Variants in CFDP1 observed in about 807,000 individuals in gnomAD.
CFDP1 encodes the protein heterochromatin-stabilizing protein CFDP1.
In CFDP1, 31 loss-of-function variants were observed where a neutral mutation model predicts 40.1. The observed-to-expected ratio is 0.77, with a 90% confidence interval of 0.58 to 1.04. The LOEUF is 1.04. Among genes scored for constraint, CFDP1 ranks in the 50% least tolerant of loss-of-function variants. The probability of loss-of-function intolerance (pLI) is 0.00; values close to 1 mark genes in which losing one functional copy is unlikely to be tolerated. For missense variants in CFDP1, 423 were observed against 343.4 expected (o/e 1.23, Z -1.83); for synonymous variants, 167 against 120.0 (o/e 1.39, Z -2.56).
At chr16:75,339,924 CT>C (rs2078515145) in intron 5 of CFDP1, among the ~76,000 whole-genome samples, 1 of 152,176 alleles carries the variant, frequency 6.6e-6, no homozygotes, top group African/African-American at 2.4e-5. Flanking sequence ...GAGAAGATGT[CT>C]TAAGATGATC....
At chr16:75,420,605 G>A (rs1008033089) in intron 1 of CFDP1, among the ~76,000 whole-genome samples, 2 of 152,066 alleles carry the variant, frequency 1.3e-5, no homozygotes, top group African/African-American at 4.8e-5. Context: ...ACTGTGATTT[G>A]GACACACAAG....
chr16:75,347,182 A>C (rs1320610772), intron 5 of CFDP1, among the ~76,000 whole-genome samples: 2 of 151,280 alleles, frequency 1.3e-5, no homozygotes, highest in African/African-American at 4.9e-5. Context: ...GTCCCCACTA[A>C]AAGTACAAAA....
chr16:75,305,944 C>A (rs1425296787), intron 5 of CFDP1, among the ~76,000 whole-genome samples: 1 of 152,114 alleles, frequency 6.6e-6, no homozygotes, highest in Admixed American at 6.6e-5. Flanking sequence ...TGGGAGAAAC[C>A]CCAGATGCCC....
At chr16:75,301,256 G>T (rs1039798156) in intron 6 of CFDP1, among the ~76,000 whole-genome samples, 1 of 152,148 alleles carries the variant, frequency 6.6e-6, no homozygotes, top group Admixed American at 6.6e-5. Context: ...AGTACCTATG[G>T]TATGGGAAGA....
intron 2 of CFDP1, among the ~76,000 whole-genome samples, chr16:75,413,339 C>A (rs1175177530): frequency 6.6e-6 from 1 of 152,036 alleles, no homozygotes; most frequent in Non-Finnish European, 1.5e-5. Context: ...GAGGCCAAGG[C>A]CCACACAGAG....
intron 5 of CFDP1, among the ~76,000 whole-genome samples, chr16:75,365,543 A>G (rs1348043852): frequency 6.6e-6 from 1 of 152,168 alleles, no homozygotes; most frequent in Non-Finnish European, 1.5e-5. Flanking sequence ...AAAGTGAGGG[A>G]GGAAGCCCCA....
chr16:75,355,137 C>A (rs1167353649), intron 5 of CFDP1, among the ~76,000 whole-genome samples: 1 of 152,140 alleles, frequency 6.6e-6, no homozygotes, highest in African/African-American at 2.4e-5. Context: ...ATCATCTGAG[C>A]CTTCAGTGAA....
chr16:75,298,593 G>A (rs1180014493), intron 6 of CFDP1, among the ~76,000 whole-genome samples: 2 of 152,214 alleles, frequency 1.3e-5, no homozygotes, highest in Non-Finnish European at 1.5e-5. Context: ...CATGGGCTAC[G>A]GCAGCACTCC....
At chr16:75,418,793 A>C (rs1483415560) in intron 1 of CFDP1, among the ~76,000 whole-genome samples, 3 of 151,874 alleles carry the variant, frequency 2.0e-5, no homozygotes, top group Non-Finnish European at 2.9e-5. Flanking sequence ...AGGTAAAACC[A>C]GGACATTTTT....
intron 4 of CFDP1, among the ~76,000 whole-genome samples, chr16:75,411,303 G>A (rs1160972003): frequency 1.3e-5 from 2 of 152,054 alleles, no homozygotes; most frequent in Non-Finnish European, 2.9e-5. Context: ...TACTCGGGAG[G>A]CTGAAGTAGG....
chr16:75,335,366 A>G (rs1001641236), intron 5 of CFDP1, among the ~76,000 whole-genome samples: 45 of 152,082 alleles, frequency 3.0e-4, no homozygotes, highest in Admixed American at 2.9e-3. Flanking sequence ...AAAAGGACAC[A>G]CTGAAAAAAA....
intron 6 of CFDP1, among the ~76,000 whole-genome samples, chr16:75,299,999 G>A (rs527437618): frequency 1.3e-5 from 2 of 152,240 alleles, no homozygotes; most frequent in African/African-American, 4.8e-5. Flanking sequence ...GTAGGCAGGG[G>A]ACAGCTCGGG....
chr16:75,389,037 C>T (rs2078925059), intron 5 of CFDP1, among the ~76,000 whole-genome samples: 1 of 152,128 alleles, frequency 6.6e-6, no homozygotes, highest in South Asian at 2.1e-4. Flanking sequence ...TATAAAGAGG[C>T]AGCTAAACAG....
chr16:75,319,983 G>A (rs546187826), intron 5 of CFDP1, among the ~76,000 whole-genome samples: 3 of 152,322 alleles, frequency 2.0e-5, no homozygotes, highest in African/African-American at 4.8e-5. Context: ...GCTAACCACA[G>A]CTGAGCCATC....
chr16:75,390,018 C>G (rs78549346), intron 5 of CFDP1, among the ~76,000 whole-genome samples: 2,584 of 152,302 alleles, frequency 0.017, 68 homozygotes, highest in African/African-American at 0.058. Context: ...ACTCTAAGGA[C>G]TTTTACTCAG....
intron 5 of CFDP1, among the ~76,000 whole-genome samples, chr16:75,308,366 T>A (rs1306149658): frequency 6.6e-6 from 1 of 152,214 alleles, no homozygotes; most frequent in East Asian, 1.9e-4. Flanking sequence ...CTTCCTGGGA[T>A]CACTTCCCAA....
rs190199541 is a variant in CFDP1 at position 75,356,279 on chromosome 16, T to G, written c.650+38811A>C. The stretch of plus-strand genomic sequence containing the variant: ...CAAATAAACAAGTAACACTTCAAAG[T>G]TGAAATTACTTCTTGATCCATGGGC... On this transcript the variant is annotated intron_variant, in intron 5 of 6. Transcript: ENST00000283882. Among the ~76,000 whole-genome samples, 21 of 152,322 alleles carry G rather than the reference T, an allele frequency of 1.4e-4. No homozygotes were observed. In the East Asian group the frequency reaches 3.5e-3, roughly 25 times the overall value.
At chr16:75,365,396 T>C (rs767759410) in intron 5 of CFDP1, among the ~76,000 whole-genome samples, 3 of 152,126 alleles carry the variant, frequency 2.0e-5, no homozygotes, top group African/African-American at 2.4e-5. Flanking sequence ...TTGGAGTGGA[T>C]TCAACCTTTG....
chr16:75,389,517 T>A (rs528432318), intron 5 of CFDP1, among the ~76,000 whole-genome samples: 3 of 152,240 alleles, frequency 2.0e-5, no homozygotes, highest in African/African-American at 7.2e-5. Context: ...TATTTCTGAA[T>A]CTGTGCTTAT....
Sources: gnomAD v4.1 joint callset for allele counts (sites outside exome capture counted in the v4.1 genomes callset) on GRCh38, gnomAD v4.1.1 for gene constraint, MANE v1.5 for transcripts, NCBI Gene and HGNC (gene_info 2026-07-23, HGNC 2026-07-21) for gene names.